The following TBC1D5 variants were observed in gnomAD, a reference collection of about 807,000 sequenced individuals.
TBC1D5 encodes TBC1 domain family member 5.
In TBC1D5, 75 loss-of-function variants were observed where a neutral mutation model predicts 100.3. The ratio of observed to expected loss-of-function variants is 0.75; its 90% CI spans 0.62 to 0.91. TBC1D5 has a LOEUF of 0.91. Ranked by LOEUF, TBC1D5 falls within the 40% of genes least tolerant of loss-of-function variation. The pLI is 0.00. For synonymous variants in TBC1D5, 323 were observed against 325.6 expected (o/e 0.99, Z 0.09); for missense variants, 910 against 942.4 (o/e 0.97, Z 0.45).
At chr3:17,589,684 C>T (rs1219125494) in intron 2 of TBC1D5, among the ~76,000 whole-genome samples, 3 of 152,172 alleles carry the variant, frequency 2.0e-5, no homozygotes, top group Non-Finnish European at 4.4e-5. Flanking sequence ...AACAGACTAA[C>T]ACATTTTAGA....
At chr3:17,233,013 A>G (rs1297388600) in intron 17 of TBC1D5, among the ~76,000 whole-genome samples, 1 of 152,198 alleles carries the variant, frequency 6.6e-6, no homozygotes, top group African/African-American at 2.4e-5. Context: ...ATAAAAGATT[A>G]ATGCAGCCAC....
intron 2 of TBC1D5, among the ~76,000 whole-genome samples, chr3:17,620,757 C>G (rs2062593746): frequency 6.6e-6 from 1 of 151,930 alleles, no homozygotes; most frequent in African/African-American, 2.4e-5. Context: ...TAAATAATTT[C>G]CTATATATTC....
At chr3:17,214,476 G>T (rs1474059294) in intron 17 of TBC1D5, 106 bp from the exon 19 acceptor site, 3 of 1,161,000 alleles carry the variant, frequency 2.6e-6, no homozygotes, top group Non-Finnish European at 3.6e-6. Context: ...CCACTAGGTT[G>T]ATACTATCAA....
chr3:17,703,016 C>A (rs1049483345), intron 1 of TBC1D5, among the ~76,000 whole-genome samples: 1 of 152,006 alleles, frequency 6.6e-6, no homozygotes, highest in African/African-American at 2.4e-5. Flanking sequence ...AACATCTTTA[C>A]TGAGTGGTTT....
At chr3:17,221,708 AAG>A (rs1418932498) in intron 17 of TBC1D5, among the ~76,000 whole-genome samples, 1 of 152,150 alleles carries the variant, frequency 6.6e-6, no homozygotes, top group Non-Finnish European at 1.5e-5. Flanking sequence ...CTATAGGTAA[AAG>A]GAACTGAATT....
At chr3:17,542,896 T>C (rs901543923) in intron 2 of TBC1D5, among the ~76,000 whole-genome samples, 2 of 152,232 alleles carry the variant, frequency 1.3e-5, no homozygotes, top group Admixed American at 1.3e-4. Flanking sequence ...TCAAGGTTCA[T>C]ACACATATAC....
chr3:17,417,166 T>C (rs1020329068), intron 4 of TBC1D5, among the ~76,000 whole-genome samples: 3 of 152,040 alleles, frequency 2.0e-5, no homozygotes, highest in Admixed American at 1.3e-4. Flanking sequence ...ACCTTTAAGA[T>C]TTTTTTGACA....
intron 13 of TBC1D5, among the ~76,000 whole-genome samples, chr3:17,327,511 A>G (rs1020468735): frequency 6.6e-6 from 1 of 152,158 alleles, no homozygotes. Context: ...TGAGCATGTC[A>G]GTCATAGTTC....
At chr3:17,316,014 A>G (rs1559616628) in intron 13 of TBC1D5, among the ~76,000 whole-genome samples, 1 of 152,174 alleles carries the variant, frequency 6.6e-6, no homozygotes, top group East Asian at 1.9e-4. Flanking sequence ...TAGGGAAGTT[A>G]GCAGCGACTG....
chr3:17,341,448 G>A (rs1373377494), intron 13 of TBC1D5, among the ~76,000 whole-genome samples: 3 of 152,020 alleles, frequency 2.0e-5, no homozygotes, highest in Non-Finnish European at 4.4e-5. Flanking sequence ...CACCCACCTC[G>A]GCCTCCCAAA....
intron 17 of TBC1D5, 34 bp from the exon 19 acceptor site, chr3:17,214,404 C>A (rs1423321351): frequency 1.3e-6 from 2 of 1,594,366 alleles, no homozygotes; most frequent in South Asian, 1.1e-5. Context: ...TAATGAAACA[C>A]CAGACTCTTT....
intron 2 of TBC1D5, among the ~76,000 whole-genome samples, chr3:17,542,118 T>C (rs1365091837): frequency 2.0e-5 from 3 of 152,004 alleles, no homozygotes; most frequent in African/African-American, 4.8e-5. Flanking sequence ...TGAAACCCCA[T>C]CTCTATAAGA....
chr3:17,159,181 C>CAG (rs3839095), exon 22 of TBC1D5: 116,362 of 151,956 alleles, frequency 0.77, 45,226 homozygotes, highest in East Asian at 0.92. Context: ...CTGGCAAAAC[C>CAG]AGTTATTATT....
chr3:17,315,673 C>T (rs777617700), intron 13 of TBC1D5, among the ~76,000 whole-genome samples: 1 of 152,230 alleles, frequency 6.6e-6, no homozygotes, highest in South Asian at 2.1e-4. Context: ...AGGGAGTTCA[C>T]CTGGAAACTC....
intron 2 of TBC1D5, among the ~76,000 whole-genome samples, chr3:17,530,108 G>T (rs561046475): frequency 3.2e-4 from 48 of 152,120 alleles, no homozygotes; most frequent in African/African-American, 1.1e-3. Flanking sequence ...GCCAGACATG[G>T]TGGCACATGC....
At chr3:17,650,267 T>G (rs1256321483) in intron 1 of TBC1D5, among the ~76,000 whole-genome samples, 6 of 151,924 alleles carry the variant, frequency 3.9e-5, no homozygotes, top group Non-Finnish European at 8.8e-5. Flanking sequence ...ATCCTGCACA[T>G]GTACCCCAGA....
intron 16 of TBC1D5, 82 bp from the exon 17 acceptor site, chr3:17,238,501 C>T: frequency 6.9e-7 from 1 of 1,458,768 alleles, no homozygotes. Flanking sequence ...TAAAAGCACA[C>T]CTTGTCTGCT....
intron 2 of TBC1D5, chr3:17,575,322 A>AAT (rs1553855660): frequency 2.6e-5 from 4 of 152,092 alleles, no homozygotes; most frequent in South Asian, 2.1e-4. Flanking sequence ...TCAAAAAAAA[A>AAT]AAAATAAAAT....
At chr3:17,603,574 G>C (rs2061140983) in intron 2 of TBC1D5, among the ~76,000 whole-genome samples, 1 of 152,102 alleles carries the variant, frequency 6.6e-6, no homozygotes. Flanking sequence ...ATAGCCCACT[G>C]CTTGTTTAGC....
Sources: allele counts gnomAD v4.1 joint callset (sites outside exome capture counted in the v4.1 genomes callset), GRCh38; gene constraint gnomAD v4.1.1; transcripts MANE v1.5; gene names NCBI Gene and HGNC (gene_info 2026-07-23, HGNC 2026-07-21).